The following HOMER2 variants were observed in gnomAD, a reference collection of about 807,000 sequenced individuals.
HOMER2 encodes the protein homer scaffold protein 2, also known as homer protein homolog 2.
Under a neutral mutation model 47.0 loss-of-function variants are expected in HOMER2, and 27 were observed. The ratio of observed to expected loss-of-function variants is 0.57; its 90% CI spans 0.42 to 0.79. The LOEUF is 0.79. Among genes scored for constraint, HOMER2 ranks in the 30% least tolerant of loss-of-function variants. The pLI is 0.00. For missense variants in HOMER2, 443 were observed against 435.0 expected (o/e 1.02, Z -0.16); for synonymous variants, 161 against 163.8 (o/e 0.98, Z 0.13).
rs568585420 is a variant in HOMER2 at position 82,980,215 on chromosome 15, G to T, written n.82+5572C>A. Among the ~76,000 whole-genome samples the T allele has an allele frequency of 8.5e-5, 13 of 152,052 alleles. No individual in the cohort carries two copies. In the East Asian group the frequency reaches 2.3e-3, roughly 27 times the overall value. On this transcript the variant is annotated intron_variant and non_coding_transcript_variant, in intron 1 of 1. Coordinates refer to the HOMER2 transcript ENST00000500334. ...TTTTGATGTCTTAAAAAAGGGCCCA[G>T]CCAAGAGCATGCCTGTGATACACAA...
At chr15:82,871,381 G>A (rs1020226698) in intron 3 of HOMER2, among the ~76,000 whole-genome samples, 1 of 152,174 alleles carries the variant, frequency 6.6e-6, no homozygotes, top group Non-Finnish European at 1.5e-5. Flanking sequence ...TTTCCCTACA[G>A]GGCTGTGGGT....
intron 3 of HOMER2, among the ~76,000 whole-genome samples, chr15:82,873,299 T>C (rs577845690): frequency 1.3e-5 from 2 of 152,272 alleles, no homozygotes; most frequent in South Asian, 2.1e-4. Context: ...CCAGAATAGA[T>C]ACTGTGGACC....
intron 1 of HOMER2, among the ~76,000 whole-genome samples, chr15:82,917,542 A>G (rs958771423): frequency 6.6e-6 from 1 of 152,266 alleles, no homozygotes; most frequent in Non-Finnish European, 1.5e-5. Context: ...GGAAGGTGCA[A>G]GCGGGGAAGA....
chr15:82,919,247 T>C (rs1182107668), intron 1 of HOMER2, among the ~76,000 whole-genome samples: 1 of 152,258 alleles, frequency 6.6e-6, no homozygotes, highest in Non-Finnish European at 1.5e-5. Context: ...CTCCCATTTA[T>C]ACCAGACATG....
chr15:82,864,271 G>C lies in HOMER2; in HGVS notation c.295-12C>G. ...AATTTCTCTGCAAACTGAACATGAA[G>C]AATAGTTATTAAGGCTTTTATTAAC... is the stretch of plus-strand genomic sequence containing the variant. On this transcript the variant is annotated splice_polypyrimidine_tract_variant and intron_variant, in intron 3 of 8. Transcript: ENST00000450735. 1 of 1,592,128 alleles carries C rather than the reference G, an allele frequency of 6.3e-7. No individual in the cohort carries two copies. The highest frequency in any genetic ancestry group is 2.2e-5 in the East Asian group (1 of 44,710).
chr15:82,840,536 T>A (rs2051166180), exon 2 of HOMER2: 1 of 152,144 alleles, frequency 6.6e-6, no homozygotes, highest in Admixed American at 6.6e-5. Context: ...TCACTGCAGC[T>A]TCGGCCCCCA....
At chr15:82,874,699 T>C (rs2052289064) in intron 3 of HOMER2, among the ~76,000 whole-genome samples, 1 of 152,180 alleles carries the variant, frequency 6.6e-6, no homozygotes, top group African/African-American at 2.4e-5. Context: ...GCGCTTCCAT[T>C]ATGCATCACC....
upstream of HOMER2, among the ~76,000 whole-genome samples, chr15:82,953,271 GGCCGCGGC>G: frequency 6.6e-6 from 1 of 152,084 alleles, no homozygotes; most frequent in Non-Finnish European, 1.5e-5. Flanking sequence ...AGAGCCTACA[GGCCGCGGC>G]AGATGCTCTG....
chr15:82,899,739 C>T (rs2053049080), intron 1 of HOMER2, among the ~76,000 whole-genome samples: 1 of 152,234 alleles, frequency 6.6e-6, no homozygotes, highest in South Asian at 2.1e-4. Context: ...AACAGATTGT[C>T]TGGCCAGGCA....
intron 1 of HOMER2, among the ~76,000 whole-genome samples, chr15:82,947,454 A>G (rs778189880): frequency 1.1e-4 from 16 of 152,234 alleles, no homozygotes; most frequent in Non-Finnish European, 2.2e-4. Context: ...GCCAAACAGT[A>G]ATACAGTAGA....
intron 1 of HOMER2, among the ~76,000 whole-genome samples, chr15:82,944,992 G>C (rs1434888013): frequency 1.3e-5 from 2 of 152,030 alleles, no homozygotes; most frequent in East Asian, 3.9e-4. Flanking sequence ...TTCCAAACAA[G>C]GAGAAACAAT....
chr15:82,867,069 A>C (rs954347867), intron 3 of HOMER2, among the ~76,000 whole-genome samples: 3 of 152,222 alleles, frequency 2.0e-5, no homozygotes, highest in Non-Finnish European at 4.4e-5. Flanking sequence ...GAGGAAGATT[A>C]TTCAACATAT....
At chr15:82,964,257 G>T (rs901096005) in intron 1 of HOMER2, among the ~76,000 whole-genome samples, 1 of 152,200 alleles carries the variant, frequency 6.6e-6, no homozygotes, top group African/African-American at 2.4e-5. Context: ...TCACGTTCAG[G>T]CTGCTCCAGC....
chr15:82,971,298 C>T (rs969692604), intron 1 of HOMER2, among the ~76,000 whole-genome samples: 2 of 152,094 alleles, frequency 1.3e-5, no homozygotes, highest in African/African-American at 4.8e-5. Context: ...CTAACTTCCA[C>T]AGGGCACTGG....
intron 6 of HOMER2, among the ~76,000 whole-genome samples, chr15:82,853,401 T>C (rs2051462612): frequency 6.6e-6 from 1 of 152,186 alleles, no homozygotes; most frequent in Non-Finnish European, 1.5e-5. Flanking sequence ...AAGTCAGCAA[T>C]TGGCCTGGTG....
At chr15:82,836,915 T>G (rs1332845564), downstream of HOMER2, 2 of 152,266 alleles carry the variant, frequency 1.3e-5, no homozygotes, top group African/African-American at 4.8e-5. Flanking sequence ...GGTTTTCTAT[T>G]GCTGCCATAA....
At chr15:82,932,777 C>T (rs1191558870) in intron 1 of HOMER2, among the ~76,000 whole-genome samples, 1 of 152,172 alleles carries the variant, frequency 6.6e-6, no homozygotes, top group East Asian at 1.9e-4. Flanking sequence ...AAGCTGTTTA[C>T]TCCTCAGAAC....
At chr15:82,900,860 T>C (rs17841163) in intron 1 of HOMER2, among the ~76,000 whole-genome samples, 16,502 of 152,186 alleles carry the variant, frequency 0.11, 1,050 homozygotes, top group East Asian at 0.22. Flanking sequence ...ACTGCCCAAT[T>C]AACAAACCTG....
rs2051425720 is a variant in HOMER2 at position 82,852,412 on chromosome 15, C to T, written c.652-160G>A. The T allele has an allele frequency of 1.9e-5, 11 of 592,196 alleles. No homozygotes were observed. The South Asian group carries it at 2.4e-4, about 13-fold the overall frequency. The allele number at this position is 592,196 out of a possible 1,614,324, so 36.7% of individuals were successfully genotyped here. A position where few individuals can be genotyped will look rare whatever the true frequency, so the allele number is the denominator to read the frequency against. ...GGCTATGAACAAACCCCATGCAGCT[C>T]CATCATGGGGCTGCCTGCACCGCTT... is the stretch of plus-strand genomic sequence containing the variant. On this transcript the variant is annotated intron_variant, in intron 6 of 8. Coordinates refer to ENST00000450735, the MANE Select transcript of HOMER2 (RefSeq NM_004839.4).
Sources: gnomAD v4.1 joint callset for allele counts (sites outside exome capture counted in the v4.1 genomes callset) on GRCh38, gnomAD v4.1.1 for gene constraint, MANE v1.5 for transcripts, NCBI Gene and HGNC (gene_info 2026-07-23, HGNC 2026-07-21) for gene names.